The following KCNQ1 variants were observed in gnomAD, a reference collection of about 807,000 sequenced individuals.
The protein encoded by KCNQ1 is potassium voltage-gated channel subfamily Q member 1.
In KCNQ1, 49 loss-of-function variants were observed where a neutral mutation model predicts 72.4. That is an observed-to-expected ratio of 0.68 (90% CI 0.54 to 0.86). KCNQ1 has a LOEUF of 0.86. Ranked by LOEUF, KCNQ1 falls within the 40% of genes least tolerant of loss-of-function variation. KCNQ1 has a pLI of 0.00. For missense variants in KCNQ1, 790 were observed against 945.1 expected (o/e 0.84, Z 2.15); for synonymous variants, 450 against 412.6 (o/e 1.09, Z -1.10).
intron 1 of KCNQ1, among the ~76,000 whole-genome samples, chr11:2,480,983 G>A (rs1589904292): frequency 6.6e-6 from 1 of 152,290 alleles, no homozygotes; most frequent in African/African-American, 2.4e-5. Flanking sequence ...ACGTTTGGGA[G>A]TTCCTTCTGC....
rs576761278 is a variant in KCNQ1 at position 2,478,675 on chromosome 11, G to A, written c.386+33191G>A. 2.6e-5 allele frequency among the ~76,000 whole-genome samples: 4 copies of A among 152,232 alleles called. No individual in the cohort carries two copies. The highest frequency in any genetic ancestry group is 2.0e-4 in the Admixed American group (3 of 15,286). On this transcript the variant is annotated intron_variant, in intron 1 of 15. Coordinates refer to ENST00000155840, the MANE Select transcript of KCNQ1 (RefSeq NM_000218.3). This position sits in a 1 kb window ranked among gnomAD's most constrained non-coding sequence, Gnocchi z 4.0. ...CTACAATTCACGATGAGATTTGGGT[G>A]GGGACACAGCCAAACCATATCATTC...
rs1282957010 is a variant in KCNQ1 at position 2,567,801 on chromosome 11, C to T, written c.478-2827C>T. ...GAGTCCTGCCATCTTCGAAGGCCAGCCCCTAAACAGGTTCCCTGAGTGTTA... is the reference window on the plus strand; with the variant it reads ...GAGTCCTGCCATCTTCGAAGGCCAGTCCCTAAACAGGTTCCCTGAGTGTTA... On this transcript the variant is annotated intron_variant, in intron 2 of 15. Transcript: ENST00000155840. The surrounding 1 kb of genome is among the most constrained non-coding windows in gnomAD (Gnocchi z 6.6). 3.3e-5 allele frequency among the ~76,000 whole-genome samples: 5 copies of T among 152,228 alleles called. No individual in the cohort carries two copies. The East Asian group carries it at 9.6e-4, about 29-fold the overall frequency.
chr11:2,677,407 G>A lies in KCNQ1; in HGVS notation c.1514+15326G>A. The A allele has an allele frequency of 2.5e-6, 1 of 398,572 alleles. No individual in the cohort carries two copies. The highest frequency in any genetic ancestry group is 3.6e-5 in the East Asian group (1 of 28,068). The allele number at this position is 398,572 out of a possible 1,614,324, so 24.7% of individuals were successfully genotyped here. A position where few individuals can be genotyped will look rare whatever the true frequency, so the allele number is the denominator to read the frequency against. ...GAAACCAAGATCGATGCCTAGATAA[G>A]CATTTCAGAGGACAGCAGGGGAGAT... On this transcript the variant is annotated intron_variant, in intron 11 of 15. Coordinates refer to ENST00000155840, the MANE Select transcript of KCNQ1 (RefSeq NM_000218.3). The surrounding 1 kb of genome is among the most constrained non-coding windows in gnomAD (Gnocchi z 4.5).
chr11:2,477,587 C>T lies in KCNQ1; in HGVS notation c.386+32103C>T, dbSNP rs532133139. ...CCTCATTATGATGGCAGACTAAACC[C>T]ATAGTGTGTTAAAAATGACCACACA... On this transcript the variant is annotated intron_variant, in intron 1 of 15. Transcript: ENST00000155840. The surrounding 1 kb of genome is among the most constrained non-coding windows in gnomAD (Gnocchi z 5.0). 9.9e-4 allele frequency among the ~76,000 whole-genome samples: 151 copies of T among 152,178 alleles called. No individual in the cohort carries two copies. The highest frequency in any genetic ancestry group is 3.0e-3 in the African/African-American group (126 of 41,510).
chr11:2,737,286 C>G (rs948481987), intron 11 of KCNQ1, among the ~76,000 whole-genome samples: 1 of 152,160 alleles, frequency 6.6e-6, no homozygotes, highest in African/African-American at 2.4e-5. Flanking sequence ...GGGAGAGCCC[C>G]GGGCAGCTGC....
chr11:2,606,123 C>CT (rs1301984465), intron 10 of KCNQ1, among the ~76,000 whole-genome samples: 1 of 151,950 alleles, frequency 6.6e-6, no homozygotes, highest in Non-Finnish European at 1.5e-5. Flanking sequence ...GTGCTTTATT[C>CT]TTTTTTGATG....
rs150882745 is a variant in KCNQ1 at position 2,644,770 on chromosome 11, G to A, written c.1394-17191G>A. 1.5e-3 allele frequency: 605 copies of A among 398,632 alleles called. 4 individuals are homozygous for A. The highest frequency in any genetic ancestry group is 2.0e-3 in the Non-Finnish European group (455 of 226,086). The allele number at this position is 398,632 out of a possible 1,614,324, so 24.7% of individuals were successfully genotyped here. A position where few individuals can be genotyped will look rare whatever the true frequency, so the allele number is the denominator to read the frequency against. ...CAGGGCACTTTGGTTTTGATTCTGG[G>A]TGCCTGCAGTAGTGTGATCTCCATG... On this transcript the variant is annotated intron_variant, in intron 10 of 15. Transcript: ENST00000155840.
chr11:2,556,146 C>T (rs1454789349), intron 2 of KCNQ1, among the ~76,000 whole-genome samples: 1 of 152,192 alleles, frequency 6.6e-6, no homozygotes, highest in Non-Finnish European at 1.5e-5. Flanking sequence ...CCAGACCCTG[C>T]CTCCGCCTCC....
At chr11:2,836,656 C>T (rs948318673) in intron 15 of KCNQ1, among the ~76,000 whole-genome samples, 1 of 152,236 alleles carries the variant, frequency 6.6e-6, no homozygotes, top group Non-Finnish European at 1.5e-5. Flanking sequence ...GCACTGTCCC[C>T]GTGATTCTAC....
At position 2,541,995 on chromosome 11, in the gene KCNQ1, G is replaced by T. The variant is rs1196365716; in HGVS notation, c.477+13977G>T. ...GTCCCCTGGCTTGGGGTGGGCCTCA[G>T]AGGCTGTCGCCGTGCCTGCTGTGGC... On this transcript the variant is annotated intron_variant, in intron 2 of 15. Transcript: ENST00000155840. This position sits in a 1 kb window ranked among gnomAD's most constrained non-coding sequence, Gnocchi z 4.8. 6.6e-6 allele frequency among the ~76,000 whole-genome samples: 1 copy of T among 152,198 alleles called. No individual in the cohort carries two copies. Among genetic ancestry groups the T allele is most frequent in the African/African-American group, 2.4e-5 (1 of 41,458 alleles).
In KCNQ1 at chr11:2,547,958, C is replaced by G. The variant is rs191333106; in HGVS notation, c.477+19940C>G. ...GGAGCTGTGAGGAGCCTGTAGCATTCAGAGACAGGGGAGCAGGGAGCGGTG... is the reference window on the plus strand; with the variant it reads ...GGAGCTGTGAGGAGCCTGTAGCATTGAGAGACAGGGGAGCAGGGAGCGGTG... On this transcript the variant is annotated intron_variant, in intron 2 of 15. Coordinates refer to ENST00000155840, the MANE Select transcript of KCNQ1 (RefSeq NM_000218.3). This position sits in a 1 kb window ranked among gnomAD's most constrained non-coding sequence, Gnocchi z 4.2. Among the ~76,000 whole-genome samples, 4 of 152,288 alleles carry G rather than the reference C, an allele frequency of 2.6e-5. No homozygotes were observed.
At chr11:2,718,430 C>T (rs895043692) in intron 11 of KCNQ1, among the ~76,000 whole-genome samples, 7 of 152,218 alleles carry the variant, frequency 4.6e-5, no homozygotes, top group Admixed American at 1.3e-4. Context: ...AGCCCCTCCC[C>T]GTAGCCTCAT....
intron 15 of KCNQ1, among the ~76,000 whole-genome samples, chr11:2,836,380 C>T (rs1464821654): frequency 5.9e-5 from 9 of 152,110 alleles, no homozygotes; most frequent in Admixed American, 5.2e-4. Context: ...GGCATGGTGA[C>T]GTTTCAGGCC....
rs750410606 is a variant in KCNQ1, at chr11:2,762,817, G to A, written c.1515-6027G>A. Among the ~76,000 whole-genome samples the A allele has an allele frequency of 2.0e-5, 3 of 148,454 alleles. No homozygotes were observed. The highest frequency in any genetic ancestry group is 6.8e-5 in the Admixed American group (1 of 14,772). On this transcript the variant is annotated intron_variant, in intron 11 of 15. Coordinates refer to ENST00000155840, the MANE Select transcript of KCNQ1 (RefSeq NM_000218.3). This position sits in a 1 kb window ranked among gnomAD's most constrained non-coding sequence, Gnocchi z 4.3. Reference sequence around the variant, plus strand: ...AAACCATCTCCCCCCACCCCACCCCGTCCACGGAAAAAGTGTCTTCCACGA... The same window carrying A: ...AAACCATCTCCCCCCACCCCACCCCATCCACGGAAAAAGTGTCTTCCACGA...
intron 15 of KCNQ1, among the ~76,000 whole-genome samples, chr11:2,835,108 G>A (rs1044821999): frequency 1.2e-4 from 18 of 152,158 alleles, no homozygotes; most frequent in Admixed American, 6.5e-4. Flanking sequence ...CTGCCCGCCC[G>A]TCTGGGTCAG....
In KCNQ1 at chr11:2,449,439, A is replaced by T. The variant is rs375191446; in HGVS notation, c.386+3955A>T. Among the ~76,000 whole-genome samples the T allele has an allele frequency of 3.9e-5, 6 of 152,162 alleles. No individual in the cohort carries two copies. In the East Asian group the frequency reaches 5.8e-4, roughly 15 times the overall value. On this transcript the variant is annotated intron_variant, in intron 1 of 15. Coordinates refer to ENST00000155840, the MANE Select transcript of KCNQ1 (RefSeq NM_000218.3). ...GACACTCCTGGGTACCGATGGGATG[A>T]ACTTCCGCTGGGCCTGAAGGCCTGG...
intron 11 of KCNQ1, chr11:2,699,039 G>A: frequency 2.5e-6 from 1 of 398,534 alleles, no homozygotes; most frequent in Admixed American, 4.4e-5. Flanking sequence ...TTCCGACTCC[G>A]GTCCCAATTC....
Position 2,818,396 on chromosome 11 carries a change from G to A in KCNQ1, c.1795-29371G>A, listed in dbSNP as rs577685936. 6.6e-6 allele frequency among the ~76,000 whole-genome samples: 1 copy of A among 152,328 alleles called. No homozygotes were observed. The highest frequency in any genetic ancestry group is 2.1e-4 in the South Asian group (1 of 4,828). On this transcript the variant is annotated intron_variant, in intron 15 of 15. Transcript: ENST00000155840. This position sits in a 1 kb window ranked among gnomAD's most constrained non-coding sequence, Gnocchi z 7.2. ...CAGGTGTGGCTAAGGCCCCCACAGA[G>A]TGTGCATCCTAAGGTGGTTCAGAGG...
At chr11:2,847,492 C>T (rs1185342659) in intron 15 of KCNQ1, among the ~76,000 whole-genome samples, 1 of 152,212 alleles carries the variant, frequency 6.6e-6, no homozygotes, top group South Asian at 2.1e-4. Context: ...GAGCTCCTGG[C>T]CCTGAGCCTG....
Sources: allele counts gnomAD v4.1 joint callset (sites outside exome capture counted in the v4.1 genomes callset), GRCh38; gene constraint gnomAD v4.1.1; non-coding constraint Gnocchi (gnomAD v3.1); transcripts MANE v1.5; gene names NCBI Gene and HGNC (gene_info 2026-07-23, HGNC 2026-07-21).